The following CCDC93 variants were observed in gnomAD, a reference collection of about 807,000 sequenced individuals.
CCDC93 encodes CCC complex scaffolding subunit CCDC93.
In CCDC93, 61 loss-of-function variants were observed where a neutral mutation model predicts 108.2. The ratio of observed to expected loss-of-function variants is 0.56; its 90% CI spans 0.46 to 0.70. CCDC93 has a LOEUF of 0.70. Among genes scored for constraint, CCDC93 ranks in the 30% least tolerant of loss-of-function variants. The pLI is 0.00. For synonymous variants in CCDC93, 276 were observed against 260.4 expected (o/e 1.06, Z -0.58); for missense variants, 685 against 764.2 (o/e 0.90, Z 1.22).
chr2:117,929,665 G>A (rs555803251), intron 23 of CCDC93, among the ~76,000 whole-genome samples: 4 of 152,314 alleles, frequency 2.6e-5, no homozygotes, highest in East Asian at 1.9e-4. Flanking sequence ...TAAAGGGAAC[G>A]AGGAGCTCTG....
At chr2:117,982,721 T>C (rs1680184384) in intron 7 of CCDC93, among the ~76,000 whole-genome samples, 1 of 146,998 alleles carries the variant, frequency 6.8e-6, no homozygotes, top group African/African-American at 2.5e-5. Context: ...GGAAGAGAGA[T>C]CTGGACTCCT....
intron 6 of CCDC93, among the ~76,000 whole-genome samples, chr2:117,995,165 G>A (rs1391637310): frequency 6.6e-6 from 1 of 152,182 alleles, no homozygotes; most frequent in East Asian, 1.9e-4. Context: ...GTTTATACCT[G>A]CCATTGGGAT....
chr2:117,933,670 G>A (rs922150754), intron 22 of CCDC93, among the ~76,000 whole-genome samples: 28 of 151,906 alleles, frequency 1.8e-4, no homozygotes, highest in African/African-American at 6.5e-4. Flanking sequence ...ACATCTATGA[G>A]AGCAGGACCC....
chr2:117,931,012 A>C (rs1355540829), intron 23 of CCDC93, 25 bp downstream of exon 23: 1 of 1,468,682 alleles, frequency 6.8e-7, no homozygotes, highest in Non-Finnish European at 9.5e-7. Context: ...GTTAGCCTTA[A>C]TGTGCTACCC....
intron 1 of CCDC93, 101 bp from the exon 2 acceptor site, chr2:118,008,759 G>T: frequency 1.4e-6 from 1 of 706,764 alleles, no homozygotes. Flanking sequence ...AGGAGTAGAT[G>T]ACATTGGCTA....
chr2:117,985,409 G>A (rs1008250658), intron 7 of CCDC93: 23 of 951,156 alleles, frequency 2.4e-5, no homozygotes, highest in Non-Finnish European at 2.8e-5. Context: ...CAGTTACCCT[G>A]AGAAGAGAAT....
chr2:117,926,469 C>T (rs1678104227), intron 23 of CCDC93, among the ~76,000 whole-genome samples: 1 of 152,102 alleles, frequency 6.6e-6, no homozygotes, highest in African/African-American at 2.4e-5. Context: ...TACAAACTAC[C>T]ATCAGAGAAT....
At chr2:117,982,602 G>C (rs1680179771) in intron 7 of CCDC93, among the ~76,000 whole-genome samples, 1 of 152,222 alleles carries the variant, frequency 6.6e-6, no homozygotes, top group South Asian at 2.1e-4. Context: ...ACGCTGATGA[G>C]TGACCTTCAA....
chr2:118,003,716 T>C (rs1262431344), intron 3 of CCDC93, among the ~76,000 whole-genome samples: 1 of 152,092 alleles, frequency 6.6e-6, no homozygotes, highest in Non-Finnish European at 1.5e-5. Context: ...GAGAAGGCTA[T>C]CACGGGTCAT....
rs774950823 is a variant in CCDC93 at position 117,958,423 on chromosome 2, C to T, written c.947G>A (p.Arg316His). ...PEKLGTSQLH[R>H]RKVISLNKQI... ...TTTGTTCAAGGAAATGACTTTCCGG[C>T]GATGTAGCTGGGAGGTTCCTAATTT... The change falls in exon 12 of 24, where the codon CGC becomes CAC. Residue 316 changes from arginine to histidine, a missense_variant. By Grantham distance (29) the Arg-to-His change is conservative. Transcript: ENST00000376300. 6.8e-6 allele frequency: 11 copies of T among 1,613,658 alleles called. 1 individual carries two copies. In the South Asian group the frequency reaches 7.7e-5, roughly 11 times the overall value.
rs192168236 is a variant in CCDC93 at position 117,991,470 on chromosome 2, C to T, written c.519+3976G>A. Among the ~76,000 whole-genome samples the T allele has an allele frequency of 4.3e-3, 652 of 152,310 alleles. 5 individuals are homozygous for T. Among genetic ancestry groups the T allele is most frequent in the Non-Finnish European group, 6.6e-3 (451 of 68,022 alleles). ...CCAGAAGAGAGGAGGAGTGCCGACACCTGCTGTGTTAGAGTCAGGTGTAAT... is the reference window on the plus strand; with the variant it reads ...CCAGAAGAGAGGAGGAGTGCCGACATCTGCTGTGTTAGAGTCAGGTGTAAT... On this transcript the variant is annotated intron_variant, in intron 6 of 23. Coordinates refer to ENST00000376300, the MANE Select transcript of CCDC93 (RefSeq NM_019044.5).
At chr2:117,985,699 C>A (rs891607030) in intron 7 of CCDC93, among the ~76,000 whole-genome samples, 2 of 152,114 alleles carry the variant, frequency 1.3e-5, no homozygotes, top group Non-Finnish European at 2.9e-5. Flanking sequence ...CAGGGGCATG[C>A]AGGACAGAGT....
At chr2:117,944,165 G>A in intron 17 of CCDC93, 79 bp from the exon 18 acceptor site, 1 of 1,027,470 alleles carries the variant, frequency 9.7e-7, no homozygotes, top group Non-Finnish European at 1.4e-6. Flanking sequence ...AGTTGAATAT[G>A]TTTTTATCAT....
At chr2:118,005,907 A>G (rs1006805118) in intron 3 of CCDC93, among the ~76,000 whole-genome samples, 1 of 152,226 alleles carries the variant, frequency 6.6e-6, no homozygotes, top group Non-Finnish European at 1.5e-5. Context: ...AGTTACTCAC[A>G]GATACCACCT....
intron 20 of CCDC93, among the ~76,000 whole-genome samples, chr2:117,937,500 C>T (rs1278073269): frequency 6.6e-6 from 1 of 152,136 alleles, no homozygotes; most frequent in Non-Finnish European, 1.5e-5. Context: ...AGGCATAAAT[C>T]CATTTAAAAT....
At chr2:118,008,487 G>T in intron 2 of CCDC93, 58 bp downstream of exon 2, 1 of 965,716 alleles carries the variant, frequency 1.0e-6, no homozygotes, top group South Asian at 1.4e-5. Flanking sequence ...TCTTTGCCAT[G>T]ATTAACCATG....
chr2:117,927,600 A>C (rs1200353371), intron 23 of CCDC93, among the ~76,000 whole-genome samples: 4 of 152,232 alleles, frequency 2.6e-5, no homozygotes, highest in African/African-American at 9.6e-5. Context: ...CTGCTCGATG[A>C]AATAAAATAG....
At position 117,955,650 on chromosome 2, in the gene CCDC93, A is replaced by G. The variant is rs554269085; in HGVS notation, c.1005+2715T>C. On this transcript the variant is annotated intron_variant, in intron 12 of 23. Transcript: ENST00000376300. ...TCTGTGTCTCAGTATCCTTATTTGTAAAGTGAGGAAAATAACAGTACCTCC... is the reference window on the plus strand; with the variant it reads ...TCTGTGTCTCAGTATCCTTATTTGTGAAGTGAGGAAAATAACAGTACCTCC... 1.2e-4 allele frequency among the ~76,000 whole-genome samples: 19 copies of G among 152,312 alleles called. No individual in the cohort carries two copies. The East Asian group carries it at 3.7e-3, about 29-fold the overall frequency.
At chr2:117,974,026 C>T (rs1679853373) in intron 10 of CCDC93, 32 bp from the exon 11 acceptor site, 4 of 1,442,116 alleles carry the variant, frequency 2.8e-6, no homozygotes, top group South Asian at 2.4e-5. Context: ...GTTCTCAAGG[C>T]CAAGCCTTGT....
Sources: gnomAD v4.1 joint callset for allele counts (sites outside exome capture counted in the v4.1 genomes callset) on GRCh38, gnomAD v4.1.1 for gene constraint, MANE v1.5 for transcripts, NCBI Gene and HGNC (gene_info 2026-07-23, HGNC 2026-07-21) for gene names.